SORCS3: variants seen among roughly 807,000 people sequenced by gnomAD.
The protein encoded by SORCS3 is VPS10 domain-containing receptor SorCS3.
SORCS3 carries 57 observed loss-of-function variants against 146.3 expected under a neutral mutation model. The observed-to-expected ratio is 0.39, with a 90% confidence interval of 0.31 to 0.49. The LOEUF (loss-of-function observed/expected upper bound fraction) is 0.49. Ranked by LOEUF, SORCS3 falls within the 20% of genes least tolerant of loss-of-function variation. SORCS3 has a pLI of 0.92. For missense variants in SORCS3, 1,341 were observed against 1,575.5 expected (o/e 0.85, Z 2.52); for synonymous variants, 653 against 618.5 (o/e 1.06, Z -0.83).
intron 3 of SORCS3, among the ~76,000 whole-genome samples, chr10:104,972,507 A>G (rs558586708): frequency 5.9e-5 from 9 of 152,298 alleles, no homozygotes; most frequent in African/African-American, 2.2e-4. Flanking sequence ...ATTCAGAAAG[A>G]ACAAAACAAA....
intron 7 of SORCS3, among the ~76,000 whole-genome samples, chr10:105,136,268 C>G (rs58135647): frequency 0.025 from 3,739 of 152,236 alleles, 154 homozygotes; most frequent in African/African-American, 0.085. Flanking sequence ...AAGATGGTGC[C>G]TTGAACACTG....
At chr10:104,769,638 C>A (rs760232247) in intron 1 of SORCS3, among the ~76,000 whole-genome samples, 5 of 152,070 alleles carry the variant, frequency 3.3e-5, no homozygotes, top group Non-Finnish European at 5.9e-5. Flanking sequence ...GGAGATCCAC[C>A]AAGAATTAAT....
At chr10:104,660,665 G>C (rs1405181930) in intron 1 of SORCS3, among the ~76,000 whole-genome samples, 1 of 152,116 alleles carries the variant, frequency 6.6e-6, no homozygotes, top group Non-Finnish European at 1.5e-5. Flanking sequence ...TATCCTAATG[G>C]TGAATGAGTT....
chr10:104,717,114 C>G (rs2016488600), intron 1 of SORCS3, among the ~76,000 whole-genome samples: 1 of 152,114 alleles, frequency 6.6e-6, no homozygotes, highest in Admixed American at 6.5e-5. Context: ...CATAGCAAGG[C>G]CTCTTCCCTA....
chr10:105,218,405 G>A (rs562438788), intron 19 of SORCS3, among the ~76,000 whole-genome samples: 4 of 152,314 alleles, frequency 2.6e-5, no homozygotes, highest in African/African-American at 9.6e-5. Flanking sequence ...CTTAAAATGT[G>A]CAAGGCACTC....
chr10:104,680,163 C>G (rs1002672024), intron 1 of SORCS3, among the ~76,000 whole-genome samples: 3 of 152,176 alleles, frequency 2.0e-5, no homozygotes, highest in African/African-American at 7.2e-5. Context: ...TAGTGCCTCT[C>G]AGAGGGATAC....
chr10:105,169,964 C>G (rs2056346148), intron 13 of SORCS3, among the ~76,000 whole-genome samples: 1 of 152,162 alleles, frequency 6.6e-6, no homozygotes. Context: ...GACCCTTAAA[C>G]TTGGCCATCA....
intron 13 of SORCS3, among the ~76,000 whole-genome samples, chr10:105,170,821 A>C (rs573654331): frequency 1.5e-4 from 23 of 152,292 alleles, no homozygotes; most frequent in African/African-American, 5.3e-4. Context: ...TGTTATTATC[A>C]TCAATGTTTT....
chr10:104,892,421 C>T (rs1564707321), intron 2 of SORCS3, among the ~76,000 whole-genome samples: 1 of 152,140 alleles, frequency 6.6e-6, no homozygotes, highest in Admixed American at 6.6e-5. Flanking sequence ...AAGGCAAAGG[C>T]CATGGTTAAA....
intron 1 of SORCS3, among the ~76,000 whole-genome samples, chr10:104,706,201 C>CTTTTTTTTTTTTTT (rs1162969172): frequency 2.8e-4 from 24 of 85,870 alleles, no homozygotes; most frequent in Non-Finnish European, 3.8e-4. Context: ...TTTTCTTCTT[C>CTTTTTTTTTTTTTT]TTTTTTTTTT....
At chr10:104,733,520 ATT>A (rs34203788) in intron 1 of SORCS3, among the ~76,000 whole-genome samples, 9,056 of 123,338 alleles carry the variant, frequency 0.073, 465 homozygotes, top group African/African-American at 0.16. Flanking sequence ...CTGATGATTA[ATT>A]TTTTTTTTTT....
At chr10:104,887,706 G>A (rs2018703450) in intron 2 of SORCS3, among the ~76,000 whole-genome samples, 1 of 152,160 alleles carries the variant, frequency 6.6e-6, no homozygotes, top group South Asian at 2.1e-4. Flanking sequence ...GATCGCATGT[G>A]AACTGGATTG....
chr10:105,204,031 T>C (rs1484893792), intron 16 of SORCS3, among the ~76,000 whole-genome samples: 1 of 152,116 alleles, frequency 6.6e-6, no homozygotes, highest in Non-Finnish European at 1.5e-5. Flanking sequence ...TGAACCCTTC[T>C]TTAGGGAGTG....
chr10:104,731,139 G>A (rs181168032), intron 1 of SORCS3, among the ~76,000 whole-genome samples: 40 of 152,272 alleles, frequency 2.6e-4, no homozygotes, highest in East Asian at 1.9e-3. Flanking sequence ...TGGTGTCTCC[G>A]CTGAGCCCGC....
At chr10:104,646,793 G>A (rs1429823683) in intron 1 of SORCS3, among the ~76,000 whole-genome samples, 1 of 152,086 alleles carries the variant, frequency 6.6e-6, no homozygotes, top group Non-Finnish European at 1.5e-5. Context: ...GAATGTGAGT[G>A]CCTAGTGGGT....
At chr10:104,933,798 G>A (rs913064054) in intron 3 of SORCS3, among the ~76,000 whole-genome samples, 2 of 152,058 alleles carry the variant, frequency 1.3e-5, no homozygotes, top group Non-Finnish European at 2.9e-5. Context: ...TCAGTGTTCA[G>A]CTTAAATCTT....
intron 3 of SORCS3, among the ~76,000 whole-genome samples, chr10:104,935,169 T>C (rs899523648): frequency 2.6e-5 from 4 of 152,162 alleles, no homozygotes; most frequent in African/African-American, 9.7e-5. Context: ...TTATCCCCAT[T>C]TTGCACCTGT....
In SORCS3 at chr10:104,874,980, C is replaced by T. The variant is rs370252357; in HGVS notation, c.695+32121C>T. ...TTGAATTACACTATGTGATCACAGT[C>T]TCCTATTTATCCAGTTTTCTTACAC... On this transcript the variant is annotated intron_variant, in intron 2 of 26. Transcript: ENST00000369701. Among the ~76,000 whole-genome samples the T allele has an allele frequency of 5.3e-5, 8 of 152,280 alleles. No individual in the cohort carries two copies. The East Asian group carries it at 1.5e-3, about 29-fold the overall frequency.
At chr10:104,716,126 C>T (rs761715239) in intron 1 of SORCS3, among the ~76,000 whole-genome samples, 13 of 152,304 alleles carry the variant, frequency 8.5e-5, no homozygotes, top group Non-Finnish European at 1.5e-4. Flanking sequence ...TACCCTGCTG[C>T]ATTTCCCAGT....
Sources: allele counts gnomAD v4.1 joint callset (sites outside exome capture counted in the v4.1 genomes callset), GRCh38; gene constraint gnomAD v4.1.1; transcripts MANE v1.5; gene names NCBI Gene and HGNC (gene_info 2026-07-23, HGNC 2026-07-21).